Variants in CDYL2 observed in about 807,000 individuals in gnomAD.
The protein encoded by CDYL2 is chromodomain Y-like protein 2.
CDYL2 carries 23 observed loss-of-function variants against 49.4 expected under a neutral mutation model. The observed-to-expected ratio is 0.47, with a 90% confidence interval of 0.34 to 0.66. The LOEUF is 0.66. Among genes scored for constraint, CDYL2 ranks in the 30% least tolerant of loss-of-function variants. The pLI, the probability that CDYL2 is intolerant of heterozygous loss-of-function variation, is 0.01. For missense variants in CDYL2, 678 were observed against 656.4 expected (o/e 1.03, Z -0.36); for synonymous variants, 360 against 268.8 (o/e 1.34, Z -3.32).
intron 1 of CDYL2, among the ~76,000 whole-genome samples, chr16:80,736,864 G>A (rs1442356782): frequency 3.3e-5 from 5 of 152,148 alleles, no homozygotes; most frequent in Non-Finnish European, 5.9e-5. Context: ...CCAGTCATTT[G>A]AACTGTTCAC....
In CDYL2 at chr16:80,615,824, T is replaced by C. The variant is rs150757587; in HGVS notation, c.1008-2988A>G. ...TGCCTCGCACTTCATTTCCTTGATA[T>C]GAAAATGTCACCCGATGTTTAATGA... On this transcript the variant is annotated intron_variant, in intron 4 of 6. Transcript: ENST00000570137. Among the ~76,000 whole-genome samples the C allele has an allele frequency of 3.3e-5, 5 of 152,306 alleles. No individual in the cohort carries two copies. In the East Asian group the frequency reaches 9.7e-4, roughly 29 times the overall value.
intron 2 of CDYL2, among the ~76,000 whole-genome samples, chr16:80,657,610 G>T (rs1908865134): frequency 6.6e-6 from 1 of 152,032 alleles, no homozygotes; most frequent in Admixed American, 6.6e-5. Flanking sequence ...CATTTCTCAT[G>T]CATCTTATGC....
intron 2 of CDYL2, among the ~76,000 whole-genome samples, chr16:80,676,126 T>G (rs1909733878): frequency 6.6e-6 from 1 of 152,246 alleles, no homozygotes; most frequent in Non-Finnish European, 1.5e-5. Context: ...AGCCTGGCAC[T>G]TTCCATGTGC....
chr16:80,775,450 A>AG (rs1261199430), intron 1 of CDYL2, among the ~76,000 whole-genome samples: 2 of 151,888 alleles, frequency 1.3e-5, no homozygotes, highest in Non-Finnish European at 1.5e-5. Flanking sequence ...GCCTTTTTCA[A>AG]GGGGGGTGGG....
At chr16:80,712,189 G>GTACATATATATATATATATATA (rs527296483) in intron 1 of CDYL2, among the ~76,000 whole-genome samples, 1 of 75,842 alleles carries the variant, frequency 1.3e-5, no homozygotes, top group African/African-American at 3.3e-5. Flanking sequence ...GTGTCTGTGT[G>GTACATATATATATATATATATA]TGTATATATA....
upstream of CDYL2, among the ~76,000 whole-genome samples, chr16:80,804,653 G>A (rs1281846729): frequency 6.9e-6 from 1 of 145,608 alleles, no homozygotes. Context: ...GGGGAGGCGG[G>A]GGCTGCTGCC....
intron 1 of CDYL2, among the ~76,000 whole-genome samples, chr16:80,730,534 C>A (rs1012030280): frequency 1.8e-4 from 27 of 152,116 alleles, no homozygotes; most frequent in African/African-American, 6.5e-4. Flanking sequence ...CAAGGAGGAA[C>A]TGGTACCATT....
chr16:80,780,658 G>A (rs1907234593), intron 1 of CDYL2, among the ~76,000 whole-genome samples: 1 of 151,978 alleles, frequency 6.6e-6, no homozygotes, highest in Non-Finnish European at 1.5e-5. Context: ...ACCTGCTTCG[G>A]CCTCCCAAAG....
chr16:80,734,926 G>T (rs1237616856), intron 1 of CDYL2, among the ~76,000 whole-genome samples: 1 of 152,136 alleles, frequency 6.6e-6, no homozygotes, highest in African/African-American at 2.4e-5. Flanking sequence ...TGCTGTTGAT[G>T]CCCCTCCATT....
intron 1 of CDYL2, among the ~76,000 whole-genome samples, chr16:80,783,993 C>A (rs1291607539): frequency 6.6e-6 from 1 of 152,106 alleles, no homozygotes. Context: ...TGTGAAAGTA[C>A]TAAATGCCAT....
At chr16:80,687,062 T>C (rs997480478) in intron 1 of CDYL2, among the ~76,000 whole-genome samples, 7 of 152,212 alleles carry the variant, frequency 4.6e-5, no homozygotes, top group African/African-American at 1.7e-4. Flanking sequence ...ACGCCAAGGA[T>C]TTCTGGAAGA....
At chr16:80,785,425 T>G (rs1032689621) in intron 1 of CDYL2, among the ~76,000 whole-genome samples, 1 of 152,118 alleles carries the variant, frequency 6.6e-6, no homozygotes, top group African/African-American at 2.4e-5. Flanking sequence ...AAGGACCTCT[T>G]CAAAGAGAAC....
intron 5 of CDYL2, among the ~76,000 whole-genome samples, chr16:80,609,277 G>C (rs116217604): frequency 2.0e-5 from 3 of 152,178 alleles, no homozygotes; most frequent in Non-Finnish European, 2.9e-5. Context: ...CCATGTGATA[G>C]GGTCCGCACG....
intron 1 of CDYL2, among the ~76,000 whole-genome samples, chr16:80,757,553 A>AAT (rs1555535735): frequency 1.9e-3 from 269 of 143,830 alleles, no homozygotes; most frequent in Non-Finnish European, 2.4e-3. Context: ...AAAAAAAAAA[A>AAT]ATATATATAT....
chr16:80,716,862 T>G (rs543669000), intron 1 of CDYL2, among the ~76,000 whole-genome samples: 14 of 149,484 alleles, frequency 9.4e-5, no homozygotes, highest in African/African-American at 2.7e-4. Context: ...GTAATGTATG[T>G]ATGGATGGAT....
At chr16:80,639,669 C>G in intron 2 of CDYL2, 1 of 455,820 alleles carries the variant, frequency 2.2e-6, no homozygotes, top group Non-Finnish European at 4.4e-6. Flanking sequence ...TGAGCACTCA[C>G]AGGACCCGGT....
rs1910131394 is a variant in CDYL2 at position 80,685,010 on chromosome 16, A to G, written c.144T>C (p.Cys48=). The part of the protein sequence containing the change: ...TWEPEHHLLH[C]EEFIDEFNGL... ...CATTGAATTCATCAATAAACTCCTC[A>G]CAGTGCAAGAGGTGGTGCTCCGGCT... The change falls in exon 2 of 7, where the codon TGT becomes TGC. Residue 48 remains cysteine, a synonymous_variant. Transcript: ENST00000570137. The G allele has an allele frequency of 6.2e-7, 1 of 1,613,812 alleles. No individual in the cohort carries two copies.
intron 1 of CDYL2, among the ~76,000 whole-genome samples, chr16:80,719,436 A>T (rs1904923462): frequency 8.1e-6 from 1 of 122,932 alleles, no homozygotes; most frequent in African/African-American, 2.5e-5. Flanking sequence ...ACAAGCCAGG[A>T]TCATCATGAT....
rs1252895394 is a variant in CDYL2, at chr16:80,804,487, C to T, written c.-314G>A. 4.8e-5 allele frequency among the ~76,000 whole-genome samples: 7 copies of T among 144,908 alleles called. No individual in the cohort carries two copies. Among genetic ancestry groups the T allele is most frequent in the Admixed American group, 2.0e-4 (3 of 14,692 alleles). On this transcript the variant is annotated 5_prime_UTR_variant, in exon 1 of 7. Transcript: ENST00000570137. ...ACGGACGCGGCCCGAGCGCCGCGGC[C>T]CCCGCGACCCGGCGACCCGGCGGCG...
Sources: gnomAD v4.1 joint callset for allele counts (sites outside exome capture counted in the v4.1 genomes callset) on GRCh38, gnomAD v4.1.1 for gene constraint, MANE v1.5 for transcripts, NCBI Gene and HGNC (gene_info 2026-07-23, HGNC 2026-07-21) for gene names.